SPHKAP: variants seen among roughly 807,000 people sequenced by gnomAD.
SPHKAP encodes SPHK1 interactor, AKAP domain containing.
A neutral mutation model predicts 137.5 loss-of-function variants in SPHKAP; 67 were observed. That is an observed-to-expected ratio of 0.49 (90% CI 0.40 to 0.60). SPHKAP has a LOEUF of 0.60. Ranked by LOEUF, SPHKAP falls within the 20% of genes least tolerant of loss-of-function variation. SPHKAP has a pLI of 0.00. For missense variants in SPHKAP, 2,097 were observed against 2,069.3 expected, an observed-to-expected ratio of 1.01 and a Z score of -0.26; for synonymous variants, 813 against 785.3, an observed-to-expected ratio of 1.04 and a Z score of -0.59.
At chr2:228,013,085 A>G (rs1263204919) in intron 7 of SPHKAP, among the ~76,000 whole-genome samples, 1 of 152,202 alleles carries the variant, frequency 6.6e-6, no homozygotes, top group Admixed American at 6.5e-5. Flanking sequence ...TGTATAAGGG[A>G]GTAGAACTGT....
chr2:228,048,018 G>A (rs1338715280), intron 3 of SPHKAP, among the ~76,000 whole-genome samples: 5 of 152,132 alleles, frequency 3.3e-5, no homozygotes, highest in East Asian at 1.9e-4. Flanking sequence ...TGTGCTTTCC[G>A]TTTTAAATAC....
chr2:228,140,220 T>C (rs1699560150), intron 1 of SPHKAP, among the ~76,000 whole-genome samples: 2 of 151,204 alleles, frequency 1.3e-5, no homozygotes. Flanking sequence ...GTGTGGAGAT[T>C]ACAGGTGTGA....
At chr2:228,138,619 T>C (rs1699505520) in intron 1 of SPHKAP, among the ~76,000 whole-genome samples, 1 of 152,168 alleles carries the variant, frequency 6.6e-6, no homozygotes, top group Non-Finnish European at 1.5e-5. Context: ...TACCAAACCT[T>C]GAAAATATTT....
chr2:228,078,913 G>C (rs559302347), intron 3 of SPHKAP, among the ~76,000 whole-genome samples: 76 of 152,104 alleles, frequency 5.0e-4, no homozygotes, highest in African/African-American at 1.7e-3. Flanking sequence ...CCCACGAACG[G>C]AGCCTCCAGG....
chr2:228,167,689 C>A (rs532267973), intron 1 of SPHKAP, among the ~76,000 whole-genome samples: 1 of 152,156 alleles, frequency 6.6e-6, no homozygotes, highest in African/African-American at 2.4e-5. Context: ...TATTCGTATA[C>A]GCAGTCTACC....
chr2:228,071,433 G>A (rs73096673), intron 3 of SPHKAP, among the ~76,000 whole-genome samples: 2,813 of 152,266 alleles, frequency 0.018, 84 homozygotes, highest in African/African-American at 0.062. Flanking sequence ...TTTAAGCCAA[G>A]CCTCTGTCCC....
chr2:227,981,972 T>C (rs956909330), intron 11 of SPHKAP, 112 bp from the exon 12 acceptor site: 4 of 1,397,416 alleles, frequency 2.9e-6, no homozygotes, highest in Non-Finnish European at 3.7e-6. Flanking sequence ...TAAATGTCTC[T>C]AGTGTCAGAG....
At chr2:228,004,094 T>A (rs1276797346) in intron 7 of SPHKAP, among the ~76,000 whole-genome samples, 1 of 152,198 alleles carries the variant, frequency 6.6e-6, no homozygotes. Context: ...TTAGGGAGGA[T>A]GCCCTCTTTT....
intron 3 of SPHKAP, among the ~76,000 whole-genome samples, chr2:228,077,866 T>A (rs956567951): frequency 3.3e-5 from 5 of 152,206 alleles, no homozygotes; most frequent in Admixed American, 2.6e-4. Flanking sequence ...TCTTGAATTG[T>A]AACTCCTACA....
At chr2:227,998,350 C>T (rs1693713369) in intron 7 of SPHKAP, among the ~76,000 whole-genome samples, 1 of 152,138 alleles carries the variant, frequency 6.6e-6, no homozygotes, top group Non-Finnish European at 1.5e-5. Flanking sequence ...GCCCTTTGCT[C>T]AGGAAACTCT....
intron 3 of SPHKAP, among the ~76,000 whole-genome samples, chr2:228,063,548 T>A (rs1696729891): frequency 6.6e-6 from 1 of 152,214 alleles, no homozygotes; most frequent in African/African-American, 2.4e-5. Flanking sequence ...TTTGTTTTTA[T>A]CTTTTTTGTT....
intron 7 of SPHKAP, among the ~76,000 whole-genome samples, chr2:228,008,814 T>G (rs1377955381): frequency 1.3e-5 from 2 of 152,176 alleles, no homozygotes; most frequent in Non-Finnish European, 2.9e-5. Flanking sequence ...TGTCTATTAT[T>G]GGGCTCTCTA....
chr2:228,116,883 A>C (rs1261004373), intron 2 of SPHKAP, among the ~76,000 whole-genome samples: 1 of 152,136 alleles, frequency 6.6e-6, no homozygotes, highest in East Asian at 1.9e-4. Flanking sequence ...TATAATCCAC[A>C]GGTTTAATAA....
chr2:228,168,905 C>A (rs188320855), intron 1 of SPHKAP, among the ~76,000 whole-genome samples: 5 of 152,136 alleles, frequency 3.3e-5, no homozygotes, highest in African/African-American at 1.2e-4. Context: ...AGGGAATATA[C>A]GAATGATAAG....
intron 1 of SPHKAP, among the ~76,000 whole-genome samples, chr2:228,156,828 AC>A (rs1200092384): frequency 3.9e-5 from 6 of 152,046 alleles, no homozygotes; most frequent in African/African-American, 1.2e-4. Flanking sequence ...TTTGCTTGTC[AC>A]CATGTAAGAC....
intron 1 of SPHKAP, among the ~76,000 whole-genome samples, chr2:228,144,575 C>T (rs1209517467): frequency 2.6e-5 from 4 of 151,782 alleles, no homozygotes; most frequent in Non-Finnish European, 5.9e-5. Flanking sequence ...TTAATATATA[C>T]TATTTTGTGA....
chr2:228,059,284 G>A (rs1696553842), intron 3 of SPHKAP, among the ~76,000 whole-genome samples: 1 of 152,164 alleles, frequency 6.6e-6, no homozygotes, highest in African/African-American at 2.4e-5. Context: ...TGGGTTGTGT[G>A]CTAAGTACAT....
intron 7 of SPHKAP, among the ~76,000 whole-genome samples, chr2:228,013,993 AAAC>A (rs1172816922): frequency 6.6e-6 from 1 of 152,186 alleles, no homozygotes; most frequent in East Asian, 1.9e-4. Context: ...TATGTAATAC[AAAC>A]CTAAGTCATT....
chr2:228,105,499 A>G (rs1698311716), intron 3 of SPHKAP, among the ~76,000 whole-genome samples: 1 of 152,228 alleles, frequency 6.6e-6, no homozygotes, highest in Non-Finnish European at 1.5e-5. Flanking sequence ...AAGAAATAAA[A>G]TTATATTGTT....
Sources: gnomAD v4.1 joint callset for allele counts (sites outside exome capture counted in the v4.1 genomes callset) on GRCh38, gnomAD v4.1.1 for gene constraint, MANE v1.5 for transcripts, NCBI Gene and HGNC (gene_info 2026-07-23, HGNC 2026-07-21) for gene names.